Variants in MIGA2 observed in about 807,000 individuals in gnomAD.
MIGA2 encodes the protein family with sequence similarity 73, member B.
MIGA2 carries 36 observed loss-of-function variants against 69.9 expected under a neutral mutation model. The ratio of observed to expected loss-of-function variants is 0.52; its 90% CI spans 0.39 to 0.68. The LOEUF is 0.68. MIGA2 is among the 30% of genes least tolerant of loss of function. MIGA2 has a pLI of 0.00. For missense variants in MIGA2, 660 were observed against 787.7 expected, an observed-to-expected ratio of 0.84 and a Z score of 1.94; for synonymous variants, 333 against 349.2, an observed-to-expected ratio of 0.95 and a Z score of 0.52.
rs112118495 is a variant in MIGA2 at position 129,050,346 on chromosome 9, C to T, written c.675+383C>T. On this transcript the variant is annotated intron_variant, in intron 6 of 15. Coordinates refer to ENST00000684074, the MANE Select transcript of MIGA2 (RefSeq NM_001329990.2). ...CTGGAGTGCAGTGGCGCAATCTTGGCTCACTGCAACCTTCACCTGCCAGGT... is the reference window on the plus strand; with the variant it reads ...CTGGAGTGCAGTGGCGCAATCTTGGTTCACTGCAACCTTCACCTGCCAGGT... Among the ~76,000 whole-genome samples the T allele has an allele frequency of 4.6e-3, 701 of 152,310 alleles. 4 individuals carry two copies. Among genetic ancestry groups the T allele is most frequent in the African/African-American group, 0.016 (670 of 41,578 alleles).
chr9:129,042,175 C>T, intron 2 of MIGA2, 129 bp from the exon 3 acceptor site: 2 of 862,990 alleles, frequency 2.3e-6, no homozygotes, highest in Non-Finnish European at 3.6e-6. Context: ...GCCTCTCAGT[C>T]TCTCATCTGG....
chr9:129,054,664 G>T (rs1845706851), intron 6 of MIGA2, among the ~76,000 whole-genome samples: 1 of 152,158 alleles, frequency 6.6e-6, no homozygotes, highest in South Asian at 2.1e-4. Context: ...TGCTTCCAAG[G>T]TTCATCTGTG....
At chr9:129,063,066 C>T (rs1846150553) in intron 9 of MIGA2, 178 bp from the exon 10 acceptor site, 2 of 625,592 alleles carry the variant, frequency 3.2e-6, no homozygotes, top group Non-Finnish European at 5.6e-6. Context: ...CGTCCTTTGG[C>T]CTGGGAAGAC....
chr9:129,048,355 C>A (rs897066050), intron 3 of MIGA2, 72 bp from the exon 4 acceptor site: 6 of 1,237,120 alleles, frequency 4.8e-6, no homozygotes, highest in African/African-American at 1.5e-5. Flanking sequence ...GGAAGGTGGT[C>A]CAGAGTGGGG....
intron 3 of MIGA2, 71 bp from the exon 4 acceptor site, chr9:129,048,356 C>T (rs1294301000): frequency 3.2e-6 from 4 of 1,243,750 alleles, no homozygotes; most frequent in African/African-American, 3.0e-5. Context: ...GAAGGTGGTC[C>T]AGAGTGGGGG....
chr9:129,070,192 G>A (rs1846596289), intron 15 of MIGA2, 55 bp from the exon 16 acceptor site: 1 of 1,579,834 alleles, frequency 6.3e-7, no homozygotes, highest in South Asian at 1.1e-5. Flanking sequence ...TAACCTGGGG[G>A]GCATCATGGT....
chr9:129,052,910 A>G (rs1395513128), intron 6 of MIGA2, among the ~76,000 whole-genome samples: 1 of 152,154 alleles, frequency 6.6e-6, no homozygotes, highest in Non-Finnish European at 1.5e-5. Flanking sequence ...TCGGCAGGGA[A>G]CGGGCACCTG....
chr9:129,069,878 C>T lies in MIGA2; in HGVS notation c.1488C>T (p.Tyr496=). The T allele has an allele frequency of 6.2e-7, 1 of 1,613,958 alleles. No individual in the cohort carries two copies. Among genetic ancestry groups the T allele is most frequent in the Non-Finnish European group, 8.5e-7 (1 of 1,179,998 alleles). ...MVPDGFISHF[Y]SVSEHVSPVL... is the part of the protein sequence containing the mutation. ...CTGATGGCTTCATCTCCCATTTCTA[C>T]TCCGTATCGGAGCATGTGAGCCCTG... Residue 496 remains tyrosine, a synonymous_variant, in exon 15 of 16, where the codon TAC becomes TAT. Coordinates refer to ENST00000684074, the MANE Select transcript of MIGA2 (RefSeq NM_001329990.2). The surrounding 1 kb of genome is among the most constrained non-coding windows in gnomAD (Gnocchi z 4.9).
intron 1 of MIGA2, 61 bp from the exon 2 acceptor site, chr9:129,040,391 T>C (rs1844833324): frequency 8.1e-7 from 1 of 1,231,712 alleles, no homozygotes; most frequent in Non-Finnish European, 1.1e-6. Context: ...TCTTCTTGAG[T>C]GCATTTCTGC....
rs1457606371 is a variant in MIGA2, at chr9:129,069,181, G to C, written c.1458+52G>C. 1 of 1,610,538 alleles carries C rather than the reference G, an allele frequency of 6.2e-7. No homozygotes were observed. The highest frequency in any genetic ancestry group is 1.1e-5 in the South Asian group (1 of 91,034). On this transcript the variant is annotated intron_variant, in intron 14 of 15. Coordinates refer to ENST00000684074, the MANE Select transcript of MIGA2 (RefSeq NM_001329990.2). The surrounding 1 kb of genome is among the most constrained non-coding windows in gnomAD (Gnocchi z 4.9). ...CACGAGCTGGGCTCTGAGGCAGCGT[G>C]GTGGGGAGCGGAGCGGGTGCAGGGT...
rs766206171 is a variant in MIGA2, at chr9:129,040,600, G to A, written c.6G>A (p.Ala2=). 22 of 1,611,476 alleles carry A rather than the reference G, an allele frequency of 1.4e-5. No individual in the cohort carries two copies. The highest frequency in any genetic ancestry group is 1.1e-4 in the East Asian group (5 of 44,788). M[A]FRRAEGTSMI... ...CCTGGGGCATTGGCCCTGCCATGGC[G>A]TTCCGGAGGGCCGAGGGCACGTCTA... Residue 2 remains alanine (A), a synonymous_variant, in exon 2 of 16, where the codon GCG becomes GCA. Coordinates refer to ENST00000684074, the MANE Select transcript of MIGA2 (RefSeq NM_001329990.2).
Position 129,042,511 on chromosome 9 carries a change from A to C in MIGA2, c.304A>C (p.Lys102Gln), listed in dbSNP as rs1250423691. 7 of 1,560,456 alleles carry C rather than the reference A, an allele frequency of 4.5e-6. No homozygotes were observed. Among genetic ancestry groups the C allele is most frequent in the South Asian group, 1.2e-5 (1 of 85,618 alleles). Residue 102 changes from lysine to glutamine, a missense_variant, in exon 3 of 16, where the codon AAA (lysine) becomes CAA (glutamine). Transcript: ENST00000684074. ...GGCCAGGAAGGTCCCTTCAGTGAAG[A>C]AAGGTAGGTGTGAGGTGGTGGGCAT... ...LLARKVPSVK[K>Q]GYSSRRVQSP...
At chr9:129,044,103 C>T (rs539301578) in intron 3 of MIGA2, among the ~76,000 whole-genome samples, 31 of 151,352 alleles carry the variant, frequency 2.0e-4, no homozygotes, top group South Asian at 6.3e-4. Flanking sequence ...AAGCAATTCT[C>T]CTGCCTGAGC....
At position 129,042,273 on chromosome 9, in the gene MIGA2, T is replaced by C. The variant is rs374126785; in HGVS notation, c.97-31T>C. 1.9e-6 allele frequency: 3 copies of C among 1,606,238 alleles called. 1 individual carries two copies. Among genetic ancestry groups the C allele is most frequent in the Middle Eastern group, 4.5e-4 (2 of 4,422 alleles). On this transcript the variant is annotated intron_variant, in intron 2 of 15. Transcript: ENST00000684074. ...CTGCCTTGGACCTTCCCCAGGGAGG[T>C]GTAACCGGCAGCGTCTCCTCTTCCC...
intron 4 of MIGA2, 29 bp downstream of exon 4, chr9:129,048,568 C>T: frequency 4.4e-6 from 7 of 1,587,230 alleles, no homozygotes; most frequent in African/African-American, 1.3e-5. Context: ...GGCTCCAGGG[C>T]TCCAGGTCCG....
At chr9:129,037,085 G>A in intron 1 of MIGA2, 2 of 996,502 alleles carry the variant, frequency 2.0e-6, no homozygotes, top group Non-Finnish European at 2.4e-6. Context: ...CTGGGGTGGA[G>A]TGAGCAATTT....
rs1846697577 is a variant in MIGA2 at position 129,071,869 on chromosome 9, C to G, written c.*1416C>G. The G allele has an allele frequency of 6.5e-6, 1 of 152,698 alleles. No individual in the cohort carries two copies. Among genetic ancestry groups the G allele is most frequent in the Non-Finnish European group, 1.5e-5 (1 of 68,068 alleles). The allele number at this position is 152,698 out of a possible 1,614,324, so 9.5% of individuals were successfully genotyped here. On this transcript the variant is annotated 3_prime_UTR_variant, in exon 16 of 16. Transcript: ENST00000684074. ...AGGAAGGACCCTGTGCTCCCCGCCC[C>G]CCATCCTGACATCCTGTTCTTTTGC...
At chr9:129,043,996 G>A (rs1217489422) in intron 3 of MIGA2, among the ~76,000 whole-genome samples, 2 of 151,112 alleles carry the variant, frequency 1.3e-5, no homozygotes, top group Admixed American at 6.6e-5. Flanking sequence ...CAACCTGCCC[G>A]GCTTTTTTTT....
Position 129,061,168 on chromosome 9 carries a change from CT to C in MIGA2, c.895-61del. The C allele has an allele frequency of 7.0e-7, 1 of 1,434,044 alleles. No homozygotes were observed. The highest frequency in any genetic ancestry group is 9.6e-7 in the Non-Finnish European group (1 of 1,038,152). 88.8% of individuals were successfully genotyped at this position (1,434,044 alleles called of 1,614,324 possible). A position where few individuals can be genotyped will look rare whatever the true frequency, so the allele number is the denominator to read the frequency against. ...TGTGGCCGACCAATGGGCAGGTGCC[CT>C]TGCGCCGTGGCGTGCTGCTCACATG... On this transcript the variant is annotated intron_variant, in intron 8 of 15. Coordinates refer to ENST00000684074, the MANE Select transcript of MIGA2 (RefSeq NM_001329990.2). The surrounding 1 kb of genome is among the most constrained non-coding windows in gnomAD (Gnocchi z 5.0).
Sources: gnomAD v4.1 joint callset for allele counts (sites outside exome capture counted in the v4.1 genomes callset) on GRCh38, gnomAD v4.1.1 for gene constraint, Gnocchi (gnomAD v3.1) non-coding constraint, MANE v1.5 for transcripts, NCBI Gene and HGNC (gene_info 2026-07-23, HGNC 2026-07-21) for gene names.